The following DLG1 variants were observed in gnomAD, a reference collection of about 807,000 sequenced individuals.
The protein encoded by DLG1 is disks large homolog 1.
DLG1 carries 42 observed loss-of-function variants against 123.4 expected under a neutral mutation model. That is an observed-to-expected ratio of 0.34 (90% confidence interval 0.27 to 0.44). The LOEUF (loss-of-function observed/expected upper bound fraction) is 0.44, where lower values mean the gene tolerates loss of function less well. DLG1 is among the 20% of genes least tolerant of loss of function. The pLI is 1.00. For missense variants in DLG1, 942 were observed against 1,082.6 expected, an observed-to-expected ratio of 0.87 and a Z score of 1.82; for synonymous variants, 317 against 356.2, an observed-to-expected ratio of 0.89 and a Z score of 1.24.
chr3:197,240,525 C>T (rs937670015), intron 4 of DLG1, among the ~76,000 whole-genome samples: 2 of 152,068 alleles, frequency 1.3e-5, no homozygotes, highest in Non-Finnish European at 2.9e-5. Context: ...CCCAAATGGA[C>T]AAAGCAAGGA....
In DLG1 at chr3:197,201,165, C is replaced by T. The variant is rs565506139; in HGVS notation, c.319-6576G>A. ...TTGGGAGGCCGAGGCGGGAGGATCA[C>T]GAGGTCAGGAGATCGAGACCATCCA... On this transcript the variant is annotated intron_variant, in intron 4 of 24. Coordinates refer to ENST00000667157, the MANE Select transcript of DLG1 (RefSeq NM_001366207.1). Among the ~76,000 whole-genome samples the T allele has an allele frequency of 2.4e-4, 36 of 152,248 alleles. No homozygotes were observed. The East Asian group carries it at 6.6e-3, about 28-fold the overall frequency.
At chr3:197,267,226 G>A (rs1341972383) in intron 4 of DLG1, among the ~76,000 whole-genome samples, 1 of 151,992 alleles carries the variant, frequency 6.6e-6, no homozygotes, top group Non-Finnish European at 1.5e-5. Context: ...ACAAAATGAA[G>A]GAAAACCAAC....
intron 5 of DLG1, among the ~76,000 whole-genome samples, chr3:197,161,154 G>C (rs1351250379): frequency 6.6e-6 from 1 of 152,088 alleles, no homozygotes; most frequent in African/African-American, 2.4e-5. Context: ...TATACTCCCA[G>C]ATATGTTGGC....
Position 197,090,991 on chromosome 3 carries a change from G to A in DLG1, c.1582C>T (p.Arg528Trp), listed in dbSNP as rs754033983. 9 of 1,608,262 alleles carry A rather than the reference G, an allele frequency of 5.6e-6. No homozygotes were observed. The highest frequency in any genetic ancestry group is 7.6e-6 in the Non-Finnish European group (9 of 1,176,540). ...ATACTACTATTCATCATCTGCTCCC[G>A]TAAATCATGTATTTTAGCTTCAAAA... ...SRFEAKIHDLREQMMNSSISS... is the reference protein window; with the variant it reads ...SRFEAKIHDLWEQMMNSSISS... The change falls in exon 15 of 25, where the codon CGG becomes TGG. Residue 528 changes from arginine to tryptophan, a missense_variant. Transcript: ENST00000667157.
chr3:197,110,558 T>C (rs899591459), intron 13 of DLG1, among the ~76,000 whole-genome samples: 3 of 152,194 alleles, frequency 2.0e-5, no homozygotes, highest in Non-Finnish European at 4.4e-5. Context: ...GCCATACTTT[T>C]CTTTCCGCTT....
chr3:197,246,931 G>A (rs906676707), intron 4 of DLG1, among the ~76,000 whole-genome samples: 2 of 152,148 alleles, frequency 1.3e-5, no homozygotes, highest in Admixed American at 1.3e-4. Context: ...GCGGCCCTAT[G>A]GATCATGCTT....
At chr3:197,275,148 T>G (rs1436576004) in intron 4 of DLG1, among the ~76,000 whole-genome samples, 1 of 147,108 alleles carries the variant, frequency 6.8e-6, no homozygotes, top group East Asian at 2.0e-4. Flanking sequence ...ATCACGCCAC[T>G]GCACCCCAGC....
chr3:197,087,036 C>T (rs1245764140), intron 15 of DLG1, among the ~76,000 whole-genome samples: 2 of 152,108 alleles, frequency 1.3e-5, no homozygotes, highest in Admixed American at 6.5e-5. Flanking sequence ...AGTTATTAAT[C>T]GTAAGAGTGC....
chr3:197,292,904 C>A (rs1204600125), intron 3 of DLG1, among the ~76,000 whole-genome samples: 1 of 152,190 alleles, frequency 6.6e-6, no homozygotes, highest in Non-Finnish European at 1.5e-5. Context: ...CAGATGAGTT[C>A]TCTGATCCCG....
chr3:197,072,393 A>G (rs1744507066), intron 18 of DLG1, among the ~76,000 whole-genome samples: 1 of 143,540 alleles, frequency 7.0e-6, no homozygotes, highest in Non-Finnish European at 1.6e-5. Context: ...TACTTGTAAT[A>G]CATTAAAAGC....
intron 13 of DLG1, among the ~76,000 whole-genome samples, chr3:197,106,088 C>A (rs1766164558): frequency 6.6e-6 from 1 of 152,068 alleles, no homozygotes; most frequent in Admixed American, 6.6e-5. Context: ...TAAAAAGAAA[C>A]CATTATGCAA....
chr3:197,206,911 G>A (rs965629723), intron 4 of DLG1, among the ~76,000 whole-genome samples: 2 of 152,140 alleles, frequency 1.3e-5, no homozygotes. Flanking sequence ...GGTAGAAAAT[G>A]AATATATAGA....
At chr3:197,184,052 A>G in intron 5 of DLG1, 1 of 1,282,046 alleles carries the variant, frequency 7.8e-7, no homozygotes, top group South Asian at 2.3e-5. Context: ...AAAAAAGACG[A>G]CATAAGGTGG....
chr3:197,065,682 TA>T, intron 21 of DLG1, 25 bp downstream of exon 21: 1 of 1,468,726 alleles, frequency 6.8e-7, no homozygotes, highest in Non-Finnish European at 9.5e-7. Flanking sequence ...GAGTAACAAT[TA>T]AATGTTTTTG....
chr3:197,050,524 A>G (rs1238257244), intron 24 of DLG1, among the ~76,000 whole-genome samples: 1 of 152,220 alleles, frequency 6.6e-6, no homozygotes, highest in Non-Finnish European at 1.5e-5. Context: ...CATCTGCAAC[A>G]ACCAACATGA....
intron 2 of DLG1, 39 bp from the exon 3 acceptor site, chr3:197,296,516 T>C: frequency 6.3e-7 from 1 of 1,599,562 alleles, no homozygotes; most frequent in Admixed American, 1.7e-5. Flanking sequence ...AACTCTCTAT[T>C]TACAAAAAAA....
At chr3:197,253,036 T>C (rs1352431469) in intron 4 of DLG1, among the ~76,000 whole-genome samples, 3 of 151,520 alleles carry the variant, frequency 2.0e-5, no homozygotes, top group Admixed American at 2.0e-4. Flanking sequence ...AGGCAAAGAG[T>C]TATGAGATTT....
At chr3:197,125,650 T>A (rs772490964) in intron 11 of DLG1, among the ~76,000 whole-genome samples, 1 of 152,164 alleles carries the variant, frequency 6.6e-6, no homozygotes, top group Non-Finnish European at 1.5e-5. Flanking sequence ...TAATTATAGA[T>A]AACAAAATCT....
At chr3:197,161,693 G>A in intron 5 of DLG1, 1 of 1,578,638 alleles carries the variant, frequency 6.3e-7, no homozygotes. Flanking sequence ...GGCAGGACAG[G>A]GATCACAGGG....
Sources: gnomAD v4.1 joint callset for allele counts (sites outside exome capture counted in the v4.1 genomes callset) on GRCh38, gnomAD v4.1.1 for gene constraint, MANE v1.5 for transcripts, NCBI Gene and HGNC (gene_info 2026-07-23, HGNC 2026-07-21) for gene names.